Variants in TMBIM4 observed in about 807,000 individuals in gnomAD.
The protein encoded by TMBIM4 is protein lifeguard 4.
TMBIM4 carries 28 observed loss-of-function variants against 27.7 expected under a neutral mutation model. That is an observed-to-expected ratio of 1.01 (90% CI 0.75 to 1.38). TMBIM4 has a LOEUF of 1.38. TMBIM4 is among the 40% of genes most tolerant of loss of function. The pLI, the probability that TMBIM4 is intolerant of heterozygous loss-of-function variation, is 0.00. For synonymous variants in TMBIM4, 115 were observed against 113.1 expected, an observed-to-expected ratio of 1.02 and a Z score of -0.11; for missense variants, 265 against 277.5, an observed-to-expected ratio of 0.95 and a Z score of 0.32.
In TMBIM4 at chr12:66,138,155, A is replaced by G; in HGVS notation, c.522T>C (p.Tyr174=). The G allele has an allele frequency of 1.2e-6, 2 of 1,609,470 alleles. No individual in the cohort carries two copies. The highest frequency in any genetic ancestry group is 8.5e-7 in the Non-Finnish European group (1 of 1,178,462). The stretch of plus-strand genomic sequence containing the variant: ...CTAAGACCAACTCCATTATCTCACT[A>G]TAAAAAAAAAACTATAGGGAAGAGA... ...CLSGFLKFFF[Y]SEIMELVLAA... Residue 174 remains tyrosine (Y), a synonymous_variant, in exon 7 of 7, where the codon TAT becomes TAC. Transcript: ENST00000358230.
At chr12:66,149,444 C>CAAAAAAAAAAAA (rs61425460) in intron 3 of TMBIM4, among the ~76,000 whole-genome samples, 1 of 74,510 alleles carries the variant, frequency 1.3e-5, no homozygotes, top group Non-Finnish European at 2.4e-5. Flanking sequence ...GACCCTGTCT[C>CAAAAAAAAAAAA]AAAAAAAAAA....
intron 1 of TMBIM4, among the ~76,000 whole-genome samples, chr12:66,157,954 T>C (rs145439392): frequency 0.034 from 5,226 of 152,194 alleles, 109 homozygotes; most frequent in Middle Eastern, 0.054. Flanking sequence ...GGGCCAGGCA[T>C]GGTGGCTCAT....
chr12:66,144,109 T>C (rs2051713619), intron 5 of TMBIM4, among the ~76,000 whole-genome samples: 1 of 152,100 alleles, frequency 6.6e-6, no homozygotes, highest in Admixed American at 6.6e-5. Flanking sequence ...AGTTTCCATT[T>C]TTGTATCACC....
At chr12:66,152,509 A>G (rs2051862712) in intron 2 of TMBIM4, 133 bp from the exon 3 acceptor site, 1 of 485,102 alleles carries the variant, frequency 2.1e-6, no homozygotes, top group Non-Finnish European at 3.5e-6. Context: ...GATCCACACC[A>G]AACTATCAAA....
chr12:66,160,359 C>T (rs2052014126), intron 1 of TMBIM4: 2 of 585,760 alleles, frequency 3.4e-6, no homozygotes, highest in Non-Finnish European at 6.2e-6. Context: ...TCTATCATTT[C>T]ACTTCCAAAA....
In TMBIM4 at chr12:66,157,303, A is replaced by G. The variant is rs184594936; in HGVS notation, c.98-3855T>C. On this transcript the variant is annotated intron_variant, in intron 1 of 6. Transcript: ENST00000358230. Reference sequence around the variant, plus strand: ...AAAGTGAGGTCTCCTGCCAACAGCCAGTGAGAAACTAGGGACTCCTATGAA... The same window carrying G: ...AAAGTGAGGTCTCCTGCCAACAGCCGGTGAGAAACTAGGGACTCCTATGAA... Among the ~76,000 whole-genome samples the G allele has an allele frequency of 8.5e-5, 13 of 152,256 alleles. No individual in the cohort carries two copies. In the East Asian group the frequency reaches 2.5e-3, roughly 29 times the overall value.
At chr12:66,164,554 A>T (rs949502285) in intron 1 of TMBIM4, among the ~76,000 whole-genome samples, 3 of 152,208 alleles carry the variant, frequency 2.0e-5, no homozygotes, top group Admixed American at 2.0e-4. Flanking sequence ...GTTAGTCAGA[A>T]GTCAACAAGG....
At chr12:66,145,126 T>C (rs2051730568) in intron 5 of TMBIM4, among the ~76,000 whole-genome samples, 1 of 152,212 alleles carries the variant, frequency 6.6e-6, no homozygotes, top group Admixed American at 6.5e-5. Context: ...GCTCGCGCAA[T>C]TGTCAGTGTT....
chr12:66,161,633 T>C (rs2052042783), intron 1 of TMBIM4, among the ~76,000 whole-genome samples: 1 of 152,200 alleles, frequency 6.6e-6, no homozygotes, highest in African/African-American at 2.4e-5. Context: ...GTAGTCAGCT[T>C]AAGTTACCAA....
At chr12:66,154,729 G>A (rs2051904378) in intron 1 of TMBIM4, among the ~76,000 whole-genome samples, 1 of 152,132 alleles carries the variant, frequency 6.6e-6, no homozygotes, top group African/African-American at 2.4e-5. Context: ...GGCTTTCCAA[G>A]GAAGGGTGAA....
intron 3 of TMBIM4, among the ~76,000 whole-genome samples, chr12:66,149,330 C>G (rs982126223): frequency 2.0e-5 from 3 of 150,520 alleles, no homozygotes; most frequent in African/African-American, 7.3e-5. Context: ...GTAGTCCCAG[C>G]TACTTGGGAG....
intron 5 of TMBIM4, among the ~76,000 whole-genome samples, chr12:66,142,338 A>C (rs902704804): frequency 3.3e-5 from 5 of 151,100 alleles, no homozygotes; most frequent in African/African-American, 1.2e-4. Context: ...GCCTAGGGAA[A>C]TTCCAACGTT....
At chr12:66,138,462 G>A (rs7302556) in intron 6 of TMBIM4, among the ~76,000 whole-genome samples, 33,017 of 152,092 alleles carry the variant, frequency 0.22, 4,228 homozygotes, top group Middle Eastern at 0.32. Context: ...TGTGCCACTG[G>A]AGCTTGGCAG....
At chr12:66,138,272 G>C (rs1215794132) in intron 6 of TMBIM4, 106 bp from the exon 7 acceptor site, 1 of 1,462,464 alleles carries the variant, frequency 6.8e-7, no homozygotes, top group East Asian at 2.5e-5. Flanking sequence ...ATTTGACAAT[G>C]GTGTACAACT....
chr12:66,142,896 C>G (rs1183412028), intron 5 of TMBIM4, among the ~76,000 whole-genome samples: 1 of 152,126 alleles, frequency 6.6e-6, no homozygotes, highest in African/African-American at 2.4e-5. Flanking sequence ...TACATTTGAG[C>G]CTGATCAGAC....
chr12:66,166,579 A>G (rs147855079), intron 1 of TMBIM4, among the ~76,000 whole-genome samples: 144 of 152,342 alleles, frequency 9.5e-4, no homozygotes, highest in African/African-American at 2.8e-3. Flanking sequence ...ATTACAAGTT[A>G]AAGCAACAAG....
Position 66,136,238 on chromosome 12 carries a change from A to G in TMBIM4, c.*1722T>C, listed in dbSNP as rs887934000. 1 of 152,332 alleles carries G rather than the reference A, an allele frequency of 6.6e-6. No homozygotes were observed. The highest frequency in any genetic ancestry group is 2.4e-5 in the African/African-American group (1 of 41,586). The allele number at this position is 152,332 out of a possible 1,614,324, so 9.4% of individuals were successfully genotyped here. On this transcript the variant is annotated 3_prime_UTR_variant, in exon 7 of 7. Transcript: ENST00000358230. ...GAAGATGAGGCAGAAGACCTAAGGA[A>G]GGATAAATAATTCGCCAAATGTCAC...
rs773885885 is a variant in TMBIM4, at chr12:66,138,308, AAAGGC to A, written c.511-147_511-143del. 5.4e-5 allele frequency: 77 copies of A among 1,427,312 alleles called. 2 individuals carry two copies. The East Asian group carries it at 1.0e-3, about 19-fold the overall frequency. 88.4% of individuals were successfully genotyped at this position (1,427,312 alleles called of 1,614,324 possible). On this transcript the variant is annotated intron_variant, in intron 6 of 6. Coordinates refer to ENST00000358230, the MANE Select transcript of TMBIM4 (RefSeq NM_016056.4). ...TTGAATACAAATGTTAAAAGCAGAA[AAAGGC>A]AAGGCAAGTCCAAACTTGCCTCTGT...
intron 1 of TMBIM4, among the ~76,000 whole-genome samples, chr12:66,163,839 G>A (rs1051338782): frequency 1.3e-5 from 2 of 152,122 alleles, no homozygotes; most frequent in Non-Finnish European, 2.9e-5. Flanking sequence ...TCATTTTATG[G>A]AGCCTGCATT....
Sources: allele counts gnomAD v4.1 joint callset (sites outside exome capture counted in the v4.1 genomes callset), GRCh38; gene constraint gnomAD v4.1.1; transcripts MANE v1.5; gene names NCBI Gene and HGNC (gene_info 2026-07-23, HGNC 2026-07-21).